The following NCOR2 variants were observed in gnomAD, a reference collection of about 807,000 sequenced individuals.
NCOR2 encodes nuclear receptor corepressor 2.
Under a neutral mutation model 262.9 loss-of-function variants are expected in NCOR2, and 81 were observed. That is an observed-to-expected ratio of 0.31 (90% CI 0.26 to 0.37). The LOEUF is 0.37. NCOR2 is among the 10% of genes least tolerant of loss of function. NCOR2 has a pLI of 1.00. For missense variants in NCOR2, 3,385 were observed against 3,621.4 expected, an observed-to-expected ratio of 0.93 and a Z score of 1.68; for synonymous variants, 1,659 against 1,559.3, an observed-to-expected ratio of 1.06 and a Z score of -1.51.
At chr12:124,356,135 C>T (rs757066454) in intron 23 of NCOR2, among the ~76,000 whole-genome samples, 1 of 152,240 alleles carries the variant, frequency 6.6e-6, no homozygotes, top group Non-Finnish European at 1.5e-5. Flanking sequence ...GTCTGCCTGG[C>T]ATGACTTTCC....
chr12:124,333,659 A>ACCCC (rs5801547), intron 41 of NCOR2, among the ~76,000 whole-genome samples: 30 of 148,250 alleles, frequency 2.0e-4, no homozygotes, highest in South Asian at 1.1e-3. Flanking sequence ...CACACACATT[A>ACCCC]CCCCCCCCGC....
At chr12:124,371,633 G>A (rs1209157552) in intron 20 of NCOR2, among the ~76,000 whole-genome samples, 2 of 152,164 alleles carry the variant, frequency 1.3e-5, no homozygotes, top group African/African-American at 2.4e-5. Context: ...CGGAGGCTGC[G>A]TCTCGGCCTG....
chr12:124,328,701 T>C (rs2034910652), intron 44 of NCOR2: 1 of 161,360 alleles, frequency 6.2e-6, no homozygotes, highest in Non-Finnish European at 1.4e-5. Context: ...TTTAAACTTC[T>C]GCTCCGAATG....
At chr12:124,427,093 A>G (rs2043593892) in intron 10 of NCOR2, among the ~76,000 whole-genome samples, 1 of 152,166 alleles carries the variant, frequency 6.6e-6, no homozygotes, top group Non-Finnish European at 1.5e-5. Flanking sequence ...TTCCCTTTGG[A>G]AATGCAAGCG....
At position 124,378,164 on chromosome 12, in the gene NCOR2, A is replaced by G. The variant is rs1275308908; in HGVS notation, c.2167+73T>C. On this transcript the variant is annotated intron_variant, in intron 18 of 46. Transcript: ENST00000405201. This position sits in a 1 kb window ranked among gnomAD's most constrained non-coding sequence, Gnocchi z 4.2. ...CAGGGGAGAGGAGGCTGCCGGGATC[A>G]GTTCCCGCTATGCCCTCCCTCAGAG... The G allele has an allele frequency of 6.4e-6, 10 of 1,557,184 alleles. No individual in the cohort carries two copies. The Admixed American group carries it at 1.5e-4, about 23-fold the overall frequency.
chr12:124,384,244 T>C (rs2136103928), intron 17 of NCOR2, among the ~76,000 whole-genome samples: 1 of 152,354 alleles, frequency 6.6e-6, no homozygotes. Flanking sequence ...CAGGCTGCTC[T>C]GGCTCAGGCC....
chr12:124,457,998 C>T lies in NCOR2; in HGVS notation c.706-836G>A, dbSNP rs982668652. Among the ~76,000 whole-genome samples the T allele has an allele frequency of 3.3e-5, 5 of 152,190 alleles. No individual in the cohort carries two copies. Among genetic ancestry groups the T allele is most frequent in the African/African-American group, 4.8e-5 (2 of 41,442 alleles). Reference sequence around the variant, plus strand: ...TGGCGGAGGGCAGGGGCAGAATTTGCGTGGGTTTGGGTGCCCCCTGCACCA... The same window carrying T: ...TGGCGGAGGGCAGGGGCAGAATTTGTGTGGGTTTGGGTGCCCCCTGCACCA... On this transcript the variant is annotated intron_variant, in intron 5 of 46. Transcript: ENST00000405201. This position sits in a 1 kb window ranked among gnomAD's most constrained non-coding sequence, Gnocchi z 4.0.
chr12:124,463,464 C>A (rs1291461593), intron 5 of NCOR2, among the ~76,000 whole-genome samples: 1 of 152,240 alleles, frequency 6.6e-6, no homozygotes, highest in East Asian at 1.9e-4. Context: ...CTGTGCACAC[C>A]TGCCCGGCCC....
intron 1 of NCOR2, among the ~76,000 whole-genome samples, chr12:124,510,807 T>A (rs2049354280): frequency 6.6e-6 from 1 of 152,056 alleles, no homozygotes; most frequent in Admixed American, 6.5e-5. Flanking sequence ...CATCTCCATG[T>A]CCACTTGAGA....
At chr12:124,404,134 G>GT (rs2042136216) in intron 13 of NCOR2, among the ~76,000 whole-genome samples, 1 of 152,320 alleles carries the variant, frequency 6.6e-6, no homozygotes, top group East Asian at 1.9e-4. Context: ...GGCAGGGAGG[G>GT]TTTTTTTGGC....
intron 1 of NCOR2, among the ~76,000 whole-genome samples, chr12:124,520,671 A>C (rs1171578213): frequency 6.6e-6 from 1 of 152,232 alleles, no homozygotes; most frequent in Non-Finnish European, 1.5e-5. Context: ...AGCCACAGGC[A>C]GCAGCCCCCA....
chr12:124,475,970 C>T (rs1287012804), intron 3 of NCOR2, among the ~76,000 whole-genome samples: 1 of 152,200 alleles, frequency 6.6e-6, no homozygotes, highest in African/African-American at 2.4e-5. Flanking sequence ...TCCAGGGACC[C>T]AGAGTGCAGG....
intron 27 of NCOR2, among the ~76,000 whole-genome samples, chr12:124,352,186 AT>A (rs1429996604): frequency 6.6e-6 from 1 of 152,162 alleles, no homozygotes; most frequent in African/African-American, 2.4e-5. Flanking sequence ...AAAGCACAGG[AT>A]TCCTGCAGCA....
chr12:124,512,622 G>A (rs1027679396), intron 1 of NCOR2, among the ~76,000 whole-genome samples: 3 of 152,152 alleles, frequency 2.0e-5, no homozygotes, highest in Admixed American at 6.5e-5. Context: ...CGCCTTTTCT[G>A]ACATTGCCCA....
rs2051644346 is a variant in NCOR2 at position 124,549,473 on chromosome 12, C to G, written c.-164-13862G>C. ...GGGCCTGGGGAGGAAGGCAACTGAG[C>G]CCCCTGCAGTAGAAACCCCCACCCG... On this transcript the variant is annotated intron_variant, in intron 1 of 32. Transcript: ENST00000458234. This position sits in a 1 kb window ranked among gnomAD's most constrained non-coding sequence, Gnocchi z 4.4. Among the ~76,000 whole-genome samples the G allele has an allele frequency of 1.3e-5, 2 of 152,000 alleles. No individual in the cohort carries two copies. Among genetic ancestry groups the G allele is most frequent in the South Asian group, 2.1e-4 (1 of 4,828 alleles).
intron 40 of NCOR2, chr12:124,334,849 C>A: frequency 1.6e-6 from 1 of 608,824 alleles, no homozygotes; most frequent in Non-Finnish European, 2.9e-6. Context: ...TGAGACCAGC[C>A]CATGACACTG....
chr12:124,359,358 G>C (rs886097403), intron 22 of NCOR2, among the ~76,000 whole-genome samples: 8 of 152,204 alleles, frequency 5.3e-5, no homozygotes, highest in African/African-American at 1.9e-4. Context: ...GACAGCGGAG[G>C]AGAGTGCTAA....
At chr12:124,401,093 C>T in intron 14 of NCOR2, among the ~76,000 whole-genome samples, 1 of 151,892 alleles carries the variant, frequency 6.6e-6, no homozygotes. Context: ...TGCTGATGGT[C>T]CCAGCTACTT....
intron 1 of NCOR2, among the ~76,000 whole-genome samples, chr12:124,562,567 C>A (rs1212759668): frequency 6.6e-6 from 1 of 152,226 alleles, no homozygotes; most frequent in Non-Finnish European, 1.5e-5. Flanking sequence ...CCATGACCTC[C>A]AAGCACTCCA....
Sources: allele counts gnomAD v4.1 joint callset (sites outside exome capture counted in the v4.1 genomes callset), GRCh38; gene constraint gnomAD v4.1.1; non-coding constraint Gnocchi (gnomAD v3.1); transcripts MANE v1.5; gene names NCBI Gene and HGNC (gene_info 2026-07-23, HGNC 2026-07-21).